The following NBPF20 variants were observed in gnomAD, a reference collection of about 807,000 sequenced individuals.
The protein encoded by NBPF20 is NBPF member 20, also known as NBPF family member NBPF20.
A neutral mutation model predicts 68.1 loss-of-function variants in NBPF20; 90 were observed. The observed-to-expected ratio is 1.32, with a 90% CI of 1.11 to 1.58. The LOEUF is 1.58. NBPF20 is among the 40% of genes most tolerant of loss of function. NBPF20 has a pLI of 0.00. For missense variants in NBPF20, 816 were observed against 601.2 expected, an observed-to-expected ratio of 1.36 and a Z score of -3.74; for synonymous variants, 290 against 228.1, an observed-to-expected ratio of 1.27 and a Z score of -2.45.
At chr1:145,419,660 C>T in the NBPF20 span, among the ~76,000 whole-genome samples, 1 of 151,992 alleles carries the variant, frequency 6.6e-6, no homozygotes. Context: ...CCCACTCCCC[C>T]AGGACCTGGT....
exon 138 of NBPF20, chr1:145,291,289 T>C: frequency 1.5e-6 from 1 of 650,084 alleles, no homozygotes; most frequent in South Asian, 2.0e-5. Flanking sequence ...AATGTCTGAC[T>C]GATCACTCCC....
intron 15 of NBPF20, among the ~76,000 whole-genome samples, 190 bp from the exon 21 acceptor site, chr1:145,388,680 C>CAG (rs1272087669): frequency 3.2e-3 from 71 of 21,912 alleles, no homozygotes; most frequent in African/African-American, 7.4e-3. Context: ...AAGAGAAAGA[C>CAG]AGAGAGAGAG....
At chr1:145,419,519 AC>A in the NBPF20 span, among the ~76,000 whole-genome samples, 1 of 152,152 alleles carries the variant, frequency 6.6e-6, no homozygotes, top group Non-Finnish European at 1.5e-5. Context: ...ATCCCAGAAC[AC>A]CAGGCCGCAA....
At chr1:145,408,725 A>G (rs1327612275), upstream of NBPF20, among the ~76,000 whole-genome samples, 1 of 152,060 alleles carries the variant, frequency 6.6e-6, no homozygotes, top group African/African-American at 2.4e-5. Context: ...TCCAATCAAT[A>G]AACATGATAT....
chr1:145,394,123 C>G (rs1355140318), intron 8 of NBPF20, among the ~76,000 whole-genome samples, 188 bp from the exon 14 acceptor site: 1 of 152,012 alleles, frequency 6.6e-6, no homozygotes, highest in East Asian at 1.9e-4. Flanking sequence ...CTTTCATGAG[C>G]CTTGGGCAAA....
chr1:145,398,763 C>G (rs1238328275), intron 7 of NBPF20, among the ~76,000 whole-genome samples: 3 of 151,742 alleles, frequency 2.0e-5, no homozygotes. Flanking sequence ...ACAAAAAACC[C>G]TTCAAAAGAT....
upstream of NBPF20, among the ~76,000 whole-genome samples, chr1:145,410,555 C>T (rs1223460607): frequency 4.0e-5 from 6 of 150,512 alleles, no homozygotes; most frequent in East Asian, 1.9e-4. Flanking sequence ...CCTCGTGATC[C>T]GCCCGCCTCG....
intron 9 of NBPF20, among the ~76,000 whole-genome samples, 197 bp from the exon 15 acceptor site, chr1:145,393,443 T>A (rs879205337): frequency 0.048 from 4,650 of 97,798 alleles, 180 homozygotes; most frequent in African/African-American, 0.15. Context: ...AGACACACAC[T>A]CACACACACA....
chr1:145,394,053 A>C (rs1476982234), intron 8 of NBPF20, 118 bp from the exon 14 acceptor site: 47 of 733,182 alleles, frequency 6.4e-5, no homozygotes, highest in Middle Eastern at 3.8e-4. Flanking sequence ...AGAACAGGAG[A>C]CTTTGAGAGA....
In NBPF20 at chr1:145,404,995, A is replaced by G. The variant is rs1371311798; in HGVS notation, c.175+103T>C. ...AAATACCCATTTCTGTTTTCCTACA[A>G]GTACAAGAAGGATGAAATTATTTTT... On this transcript the variant is annotated intron_variant, in intron 2 of 137. Transcript: ENST00000369373. 3 of 1,506,722 alleles carry G rather than the reference A, an allele frequency of 2.0e-6. No homozygotes were observed. In the African/African-American group the frequency reaches 4.1e-5, roughly 21 times the overall value. 93.3% of individuals were successfully genotyped at this position (1,506,722 alleles called of 1,614,324 possible).
chr1:145,404,792 T>A (rs199661979), intron 2 of NBPF20, among the ~76,000 whole-genome samples: 33 of 151,644 alleles, frequency 2.2e-4, no homozygotes, highest in Admixed American at 7.2e-4. Context: ...GGATCTTATA[T>A]GGTACAGAGA....
At chr1:145,410,755 T>C in the NBPF20 span, among the ~76,000 whole-genome samples, 3 of 142,842 alleles carry the variant, frequency 2.1e-5, no homozygotes, top group Non-Finnish European at 4.6e-5. Flanking sequence ...TATATACATA[T>C]ATATATATAC....
chr1:145,396,710 T>A (rs111403893), intron 7 of NBPF20, among the ~76,000 whole-genome samples: 1 of 148,004 alleles, frequency 6.8e-6, no homozygotes, highest in Non-Finnish European at 1.5e-5. Flanking sequence ...CATTCTTTTT[T>A]TTTTCCATAT....
intron 7 of NBPF20, among the ~76,000 whole-genome samples, chr1:145,397,231 G>C (rs1317580454): frequency 6.6e-6 from 1 of 150,702 alleles, no homozygotes; most frequent in Admixed American, 6.6e-5. Flanking sequence ...ATAAACATAT[G>C]TGTGCATGTG....
chr1:145,404,427 TTTTG>T (rs1553666428), intron 2 of NBPF20, among the ~76,000 whole-genome samples: 1 of 151,870 alleles, frequency 6.6e-6, no homozygotes, highest in Admixed American at 6.6e-5. Context: ...CCCATCTACT[TTTTG>T]TATTTTTAGT....
intron 61 of NBPF20, among the ~76,000 whole-genome samples, chr1:145,352,355 C>A (rs1468589330): frequency 1.9e-4 from 13 of 67,748 alleles, no homozygotes; most frequent in East Asian, 1.5e-3. Context: ...ACAGAGAGAA[C>A]GAGCTCAGTG....
At chr1:145,291,859 G>C (rs1399424961) in intron 137 of NBPF20, 90 bp from the exon 143 acceptor site, 26 of 1,604,144 alleles carry the variant, frequency 1.6e-5, no homozygotes, top group South Asian at 6.7e-5. Flanking sequence ...TAAGGAAGTG[G>C]TTAGAAAAGA....
rs1373131606 is a variant in NBPF20, at chr1:145,295,981, G to A, written c.16138+357C>T. 35 of 152,126 alleles carry A rather than the reference G, an allele frequency of 2.3e-4. 11 individuals carry two copies. Among genetic ancestry groups the A allele is most frequent in the South Asian group, 3.0e-4 (6 of 20,046 alleles). The allele number at this position is 152,126 out of a possible 1,614,324, so 9.4% of individuals were successfully genotyped here. A position where few individuals can be genotyped will look rare whatever the true frequency, so the allele number is the denominator to read the frequency against. ...CTCATCAAATACTCAGATTGTTCAC[G>A]GTATCGAGGATTTTAGACGCTGAAA... is the stretch of plus-strand genomic sequence containing the variant. On this transcript the variant is annotated intron_variant, in intron 132 of 137. Coordinates refer to ENST00000369373, the Ensembl canonical transcript of NBPF20.
chr1:145,415,315 C>G, the NBPF20 span, among the ~76,000 whole-genome samples: 3 of 151,864 alleles, frequency 2.0e-5, no homozygotes, highest in Non-Finnish European at 2.9e-5. Context: ...GGCTTTACAC[C>G]GAGACATTCC....
Sources: allele counts gnomAD v4.1 joint callset (sites outside exome capture counted in the v4.1 genomes callset), GRCh38; gene constraint gnomAD v4.1.1; transcripts MANE v1.5; gene names NCBI Gene and HGNC (gene_info 2026-07-23, HGNC 2026-07-21).